Variants in CRLF3 observed in about 807,000 individuals in gnomAD.
The protein encoded by CRLF3 is cytokine receptor like factor 3, also known as cytokine receptor-like factor 3.
CRLF3 carries 33 observed loss-of-function variants against 55.0 expected under a neutral mutation model. That is an observed-to-expected ratio of 0.60 (90% CI 0.46 to 0.80). The LOEUF is 0.80. Among genes scored for constraint, CRLF3 ranks in the 30% least tolerant of loss-of-function variants. The pLI is 0.00. For synonymous variants in CRLF3, 238 were observed against 196.8 expected (o/e 1.21, Z -1.75); for missense variants, 494 against 538.4 (o/e 0.92, Z 0.82).
At chr17:30,821,103 C>T (rs1376546684) in intron 1 of CRLF3, among the ~76,000 whole-genome samples, 1 of 148,768 alleles carries the variant, frequency 6.7e-6, no homozygotes, top group Non-Finnish European at 1.5e-5. Context: ...GTAATCCTAA[C>T]ACTTTGGGAG....
At chr17:30,785,359 T>C (rs867797173) in intron 7 of CRLF3, among the ~76,000 whole-genome samples, 1 of 151,312 alleles carries the variant, frequency 6.6e-6, no homozygotes, top group African/African-American at 2.4e-5. Context: ...AGAGGCGTGA[T>C]CCACCGCGCC....
chr17:30,793,252 A>ATTTT (rs58658760), intron 5 of CRLF3, among the ~76,000 whole-genome samples, 198 bp downstream of exon 5: 1 of 151,800 alleles, frequency 6.6e-6, no homozygotes, highest in African/African-American at 2.4e-5. Context: ...CTTGTCCAGC[A>ATTTT]TTTTTTTTGG....
intron 1 of CRLF3, among the ~76,000 whole-genome samples, chr17:30,817,598 A>G (rs1300248145): frequency 1.6e-4 from 24 of 152,098 alleles, no homozygotes. Context: ...TAATATGTAT[A>G]GAAAGATACA....
chr17:30,785,794 AAAG>A (rs1971630688), intron 7 of CRLF3, 122 bp downstream of exon 7: 9 of 580,566 alleles, frequency 1.6e-5, no homozygotes, highest in East Asian at 1.2e-4. Flanking sequence ...AAAAAAAAAA[AAAG>A]AAAAAGAAAA....
intron 1 of CRLF3, among the ~76,000 whole-genome samples, chr17:30,807,411 T>C (rs1314024684): frequency 6.6e-6 from 1 of 151,286 alleles, no homozygotes; most frequent in Non-Finnish European, 1.5e-5. Flanking sequence ...TTCCCAGCAA[T>C]GTTCACGACC....
At chr17:30,799,241 CCAGCCCAGG>C (rs1158479920) in intron 2 of CRLF3, among the ~76,000 whole-genome samples, 1 of 152,094 alleles carries the variant, frequency 6.6e-6, no homozygotes, top group Non-Finnish European at 1.5e-5. Flanking sequence ...CCACTGCACT[CCAGCCCAGG>C]CAACAGTGCA....
chr17:30,785,670 T>A (rs531421492), intron 7 of CRLF3, among the ~76,000 whole-genome samples: 200 of 151,782 alleles, frequency 1.3e-3, no homozygotes, highest in African/African-American at 4.5e-3. Flanking sequence ...TAGTCCCGGC[T>A]ACTCAGGAGG....
At chr17:30,815,056 C>T (rs926520566) in intron 1 of CRLF3, among the ~76,000 whole-genome samples, 2 of 150,920 alleles carry the variant, frequency 1.3e-5, no homozygotes, top group Non-Finnish European at 3.0e-5. Context: ...CATTCACACA[C>T]ATTTTTTTCT....
At position 30,785,916 on chromosome 17, in the gene CRLF3, T is replaced by A. The variant is rs372442153; in HGVS notation, c.1072+3A>T. Reference sequence around the variant, plus strand: ...AAGAGAATGACAGTTATTTATCTCTTACCATTTGTACTAATGCACACAGCT... The same window carrying A: ...AAGAGAATGACAGTTATTTATCTCTAACCATTTGTACTAATGCACACAGCT... On this transcript the variant is annotated splice_donor_region_variant and intron_variant, in intron 7 of 7. Transcript: ENST00000324238. 1.3e-4 allele frequency: 190 copies of A among 1,486,608 alleles called. No homozygotes were observed. The highest frequency in any genetic ancestry group is 2.3e-4 in the Admixed American group (13 of 57,770). 92.1% of individuals were successfully genotyped at this position (1,486,608 alleles called of 1,614,324 possible).
chr17:30,792,669 CTT>C, intron 5 of CRLF3, 97 bp from the exon 6 acceptor site: 2 of 1,080,584 alleles, frequency 1.9e-6, no homozygotes, highest in Non-Finnish European at 1.4e-6. Flanking sequence ...GGAGACTACT[CTT>C]AGGGGCCATG....
rs752553933 is a variant in CRLF3 at position 30,803,884 on chromosome 17, G to A, written c.337+17C>T. ...ATGGACGAATGCACTAATACAACAG[G>A]CTCCCTGGTCCCCCACCTTCTCGGA... On this transcript the variant is annotated intron_variant, in intron 2 of 7. Transcript: ENST00000324238. 3 of 1,581,670 alleles carry A rather than the reference G, an allele frequency of 1.9e-6. No individual in the cohort carries two copies. The South Asian group carries it at 3.3e-5, about 18-fold the overall frequency.
intron 2 of CRLF3, among the ~76,000 whole-genome samples, chr17:30,799,358 C>G (rs1313372406): frequency 4.6e-5 from 7 of 152,072 alleles, no homozygotes; most frequent in Non-Finnish European, 8.8e-5. Context: ...CACACTGCCT[C>G]AAAGGGATTT....
At chr17:30,824,484 C>A (rs1473298743) in intron 1 of CRLF3, 39 bp downstream of exon 1, 3 of 1,551,316 alleles carry the variant, frequency 1.9e-6, no homozygotes, top group African/African-American at 2.7e-5. Context: ...CCGCGCCACC[C>A]CCGGGCCCAC....
intron 4 of CRLF3, among the ~76,000 whole-genome samples, chr17:30,795,870 G>A (rs988346693): frequency 3.3e-5 from 5 of 152,052 alleles, no homozygotes; most frequent in East Asian, 3.9e-4. Flanking sequence ...CGGGGGAAGC[G>A]GCAGGCGGGG....
intron 1 of CRLF3, among the ~76,000 whole-genome samples, chr17:30,809,024 T>C (rs1397127036): frequency 2.0e-5 from 3 of 152,256 alleles, no homozygotes; most frequent in Non-Finnish European, 2.9e-5. Flanking sequence ...AGTTGAGCAC[T>C]GTGCCTCTGA....
chr17:30,807,938 C>A (rs1904468467), intron 1 of CRLF3, among the ~76,000 whole-genome samples: 1 of 151,910 alleles, frequency 6.6e-6, no homozygotes, highest in Non-Finnish European at 1.5e-5. Flanking sequence ...TCTGTATTTA[C>A]CAAAGAATTT....
chr17:30,810,336 G>A (rs566229349), intron 1 of CRLF3, among the ~76,000 whole-genome samples: 3 of 152,256 alleles, frequency 2.0e-5, no homozygotes, highest in Non-Finnish European at 2.9e-5. Context: ...CAGGCAGGTG[G>A]ATCACAAGAT....
Position 30,824,685 on chromosome 17 carries a change from T to G in CRLF3, c.-34A>C. The G allele has an allele frequency of 6.3e-7, 1 of 1,574,974 alleles. No homozygotes were observed. Among genetic ancestry groups the G allele is most frequent in the Non-Finnish European group, 8.6e-7 (1 of 1,167,540 alleles). ...GCGGCCGGCGAAACCTAGCGCGGGT[T>G]CCCGACTGCACCGGGCGCCTCCAAG... On this transcript the variant is annotated 5_prime_UTR_variant, in exon 1 of 8. Transcript: ENST00000324238.
chr17:30,813,411 T>A (rs1401431801), intron 1 of CRLF3, among the ~76,000 whole-genome samples: 1 of 152,196 alleles, frequency 6.6e-6, no homozygotes, highest in African/African-American at 2.4e-5. Flanking sequence ...ATTATGTTCT[T>A]ACATATCTGG....
Sources: gnomAD v4.1 joint callset for allele counts (sites outside exome capture counted in the v4.1 genomes callset) on GRCh38, gnomAD v4.1.1 for gene constraint, MANE v1.5 for transcripts, NCBI Gene and HGNC (gene_info 2026-07-23, HGNC 2026-07-21) for gene names.